Variants in EIF3A observed in about 807,000 individuals in gnomAD.
EIF3A encodes the protein eukaryotic translation initiation factor 3 subunit A.
A neutral mutation model predicts 186.6 loss-of-function variants in EIF3A; 21 were observed. The observed-to-expected ratio is 0.11, with a 90% CI of 0.08 to 0.16. The LOEUF is 0.16. Ranked by LOEUF, EIF3A falls within the 10% of genes least tolerant of loss-of-function variation. The probability of loss-of-function intolerance (pLI) is 1.00; values close to 1 mark genes in which losing one functional copy is unlikely to be tolerated. For synonymous variants in EIF3A, 563 were observed against 584.3 expected (o/e 0.96, Z 0.52); for missense variants, 1,306 against 1,796.3 (o/e 0.73, Z 4.93).
chr10:119,075,196 A>G (rs4525141), intron 1 of EIF3A, among the ~76,000 whole-genome samples: 140,803 of 151,596 alleles, frequency 0.93, 66,208 homozygotes, highest in Non-Finnish European at 1. Context: ...TCCTGACCTC[A>G]TGATCCACCC....
intron 5 of EIF3A, among the ~76,000 whole-genome samples, chr10:119,070,082 T>C (rs1417159197): frequency 6.6e-6 from 1 of 151,560 alleles, no homozygotes; most frequent in Admixed American, 6.6e-5. Flanking sequence ...TGGGTGTCCC[T>C]ATAGAAAAGG....
Position 119,061,468 on chromosome 10 carries a change from A to T in EIF3A, c.1123-140T>A, listed in dbSNP as rs1024281964. 8 of 457,916 alleles carry T rather than the reference A, an allele frequency of 1.7e-5. 1 individual carries two copies. Among genetic ancestry groups the T allele is most frequent in the Middle Eastern group, 5.9e-4 (1 of 1,708 alleles). The allele number at this position is 457,916 out of a possible 1,614,324, so 28.4% of individuals were successfully genotyped here. ...AGCCTCAACCTCCTCTAAATTTACC[A>T]AAAATGAATCCAAAGTACAACTATG... On this transcript the variant is annotated intron_variant, in intron 7 of 21. Coordinates refer to ENST00000369144, the MANE Select transcript of EIF3A (RefSeq NM_003750.4).
At chr10:119,057,626 T>C (rs1843806230) in intron 12 of EIF3A, among the ~76,000 whole-genome samples, 1 of 151,998 alleles carries the variant, frequency 6.6e-6, no homozygotes, top group East Asian at 1.9e-4. Flanking sequence ...AATACAAAAA[T>C]TAGCCAGGTA....
chr10:119,044,152 C>A lies in EIF3A; in HGVS notation c.2659-10G>T. 1 of 1,589,652 alleles carries A rather than the reference C, an allele frequency of 6.3e-7. No individual in the cohort carries two copies. The highest frequency in any genetic ancestry group is 8.6e-7 in the Non-Finnish European group (1 of 1,158,654). On this transcript the variant is annotated splice_polypyrimidine_tract_variant and intron_variant, in intron 17 of 21. Coordinates refer to ENST00000369144, the MANE Select transcript of EIF3A (RefSeq NM_003750.4). ...CTCCCCAACGAGAGTCCTCCATTGA[C>A]AAAGTGAAAAAGAAGCATTACATTG...
In EIF3A at chr10:119,038,336, G is replaced by T. The variant is rs779619328; in HGVS notation, c.3630C>A (p.Asp1210Glu). ...EREWDREKER[D>E]RDNQDREEND... ...TCTCCTCCCGATCTTGATTATCTCT[G>T]TCCCTTTCTTTTTCTCTGTCCCATT... The change falls in exon 20 of 22, where the codon GAC (aspartate) becomes GAA (glutamate). Residue 1210 changes from aspartate to glutamate, a missense_variant. Around this residue, in one of 8 missense-constraint regions of EIF3A, gnomAD observed 331 missense variants for 365.8 expected, o/e 0.90. Transcript: ENST00000369144. The T allele has an allele frequency of 6.2e-7, 1 of 1,613,902 alleles. No homozygotes were observed.
At chr10:119,062,400 T>C (rs2119819661) in intron 7 of EIF3A, among the ~76,000 whole-genome samples, 1 of 152,324 alleles carries the variant, frequency 6.6e-6, no homozygotes, top group South Asian at 2.1e-4. Context: ...CCTGAGATAA[T>C]GGAATCACTC....
In EIF3A at chr10:119,036,031, C is replaced by G; in HGVS notation, c.*8G>C. 6.2e-7 allele frequency: 1 copy of G among 1,604,270 alleles called. No homozygotes were observed. Among genetic ancestry groups the G allele is most frequent in the Non-Finnish European group, 8.5e-7 (1 of 1,171,044 alleles). On this transcript the variant is annotated 3_prime_UTR_variant, in exon 22 of 22. Coordinates refer to ENST00000369144, the MANE Select transcript of EIF3A (RefSeq NM_003750.4). ...TAAGACACCAGTTTAAATCCATTAT[C>G]TTGAGACTTAACGTCGTACTGTGGT... is the stretch of plus-strand genomic sequence containing the variant.
intron 11 of EIF3A, 30 bp from the exon 12 acceptor site, chr10:119,058,333 A>G: frequency 6.9e-7 from 1 of 1,449,146 alleles, no homozygotes; most frequent in Non-Finnish European, 9.3e-7. Flanking sequence ...TTTTTACATG[A>G]CCAAAATTAA....
chr10:119,059,529 G>A, intron 10 of EIF3A, 73 bp downstream of exon 10: 3 of 1,365,406 alleles, frequency 2.2e-6, no homozygotes, highest in African/African-American at 1.4e-5. Flanking sequence ...TGTACCAAAA[G>A]CTGAGAAACA....
At chr10:119,078,576 G>A (rs955583449) in intron 1 of EIF3A, among the ~76,000 whole-genome samples, 1 of 152,022 alleles carries the variant, frequency 6.6e-6, no homozygotes, top group Non-Finnish European at 1.5e-5. Flanking sequence ...ACTTTGAGAA[G>A]GGATCCCTCA....
rs536761679 is a variant in EIF3A, at chr10:119,034,510, G to C, written c.*1529C>G. The C allele has an allele frequency of 6.6e-6, 1 of 152,102 alleles. No homozygotes were observed. The highest frequency in any genetic ancestry group is 1.5e-5 in the Non-Finnish European group (1 of 68,028). The allele number at this position is 152,102 out of a possible 1,614,324, so 9.4% of individuals were successfully genotyped here. A position where few individuals can be genotyped will look rare whatever the true frequency, so the allele number is the denominator to read the frequency against. Reference sequence around the variant, plus strand: ...ATGAAAGAAAAGTCCTTCTCCCCACGAAAGACCTTTAAAGACTTCTACGTA... The same window carrying C: ...ATGAAAGAAAAGTCCTTCTCCCCACCAAAGACCTTTAAAGACTTCTACGTA... On this transcript the variant is annotated 3_prime_UTR_variant, in exon 22 of 22. Transcript: ENST00000369144.
chr10:119,039,566 A>G (rs1338618009), intron 19 of EIF3A, among the ~76,000 whole-genome samples: 1 of 152,142 alleles, frequency 6.6e-6, no homozygotes, highest in African/African-American at 2.4e-5. Flanking sequence ...ACTACTCAGG[A>G]GGCTGATGTG....
intron 1 of EIF3A, 158 bp downstream of exon 1, chr10:119,080,470 C>G: frequency 1.0e-6 from 1 of 985,396 alleles, no homozygotes; most frequent in African/African-American, 1.7e-5. Context: ...GAGAAGGAAA[C>G]CCATGCCCAA....
chr10:119,063,090 C>T (rs1443620457), intron 7 of EIF3A, among the ~76,000 whole-genome samples: 1 of 152,090 alleles, frequency 6.6e-6, no homozygotes, highest in Non-Finnish European at 1.5e-5. Context: ...GATTATCCTT[C>T]CAGTGTGGCA....
At chr10:119,040,236 G>A (rs1021118255) in intron 19 of EIF3A, among the ~76,000 whole-genome samples, 7 of 152,164 alleles carry the variant, frequency 4.6e-5, no homozygotes, top group African/African-American at 1.7e-4. Context: ...CAGTTAGCGG[G>A]TGAGGAAAAT....
intron 8 of EIF3A, 151 bp from the exon 9 acceptor site, chr10:119,060,995 G>T: frequency 1.6e-6 from 1 of 621,186 alleles, no homozygotes; most frequent in Non-Finnish European, 2.7e-6. Flanking sequence ...TTGTTTGAAG[G>T]TGACTGGCAG....
At chr10:119,039,291 A>G (rs910693080) in intron 19 of EIF3A, among the ~76,000 whole-genome samples, 1 of 152,256 alleles carries the variant, frequency 6.6e-6, no homozygotes, top group Admixed American at 6.5e-5. Context: ...ATATGAATCT[A>G]GGAACATTTT....
Position 119,042,008 on chromosome 10 carries a change from G to A in EIF3A, c.3512C>T (p.Pro1171Leu), listed in dbSNP as rs373036457. 28 of 1,613,940 alleles carry A rather than the reference G, an allele frequency of 1.7e-5. No individual in the cohort carries two copies. Among genetic ancestry groups the A allele is most frequent in the Non-Finnish European group, 2.2e-5 (26 of 1,179,962 alleles). Reference protein sequence around the residue: ...GDDSRPGPWRPLVKPGGWREK... With the variant: ...GDDSRPGPWRLLVKPGGWREK... Reference sequence around the variant, plus strand: ...TAGAATTTTACCTGGCTTGACTAATGGTCTCCAAGGACCAGGTCTTGAGTC... The same window carrying A: ...TAGAATTTTACCTGGCTTGACTAATAGTCTCCAAGGACCAGGTCTTGAGTC... Residue 1171 changes from proline to leucine, a missense_variant, in exon 19 of 22, where the codon CCA becomes CTA. Transcript: ENST00000369144. This position sits in a 1 kb window ranked among gnomAD's most constrained non-coding sequence, Gnocchi z 7.8.
intron 11 of EIF3A, 134 bp downstream of exon 11, chr10:119,059,078 A>G (rs1843838487): frequency 2.7e-6 from 2 of 729,844 alleles, no homozygotes; most frequent in African/African-American, 3.5e-5. Context: ...AAAACTACCA[A>G]GTACAATTCT....
Sources: allele counts gnomAD v4.1 joint callset (sites outside exome capture counted in the v4.1 genomes callset), GRCh38; gene constraint gnomAD v4.1.1; regional missense constraint gnomAD v4.1.1; non-coding constraint Gnocchi (gnomAD v3.1); transcripts MANE v1.5; gene names NCBI Gene and HGNC (gene_info 2026-07-23, HGNC 2026-07-21).